The following COL12A1 variants were observed in gnomAD, a reference collection of about 807,000 sequenced individuals.
The protein encoded by COL12A1 is collagen alpha-1(XII) chain.
In COL12A1, 114 loss-of-function variants were observed where a neutral mutation model predicts 349.7. The observed-to-expected ratio is 0.33, with a 90% CI of 0.28 to 0.38. COL12A1 has a LOEUF of 0.38. COL12A1 is among the 10% of genes least tolerant of loss of function. COL12A1 has a pLI of 1.00. For synonymous variants in COL12A1, 1,369 were observed against 1,329.0 expected (o/e 1.03, Z -0.66); for missense variants, 3,284 against 3,756.9 (o/e 0.87, Z 3.29).
At chr6:75,165,826 G>T in intron 13 of COL12A1, 47 bp from the exon 14 acceptor site, 1 of 1,540,864 alleles carries the variant, frequency 6.5e-7, no homozygotes. Flanking sequence ...TGTCTAGTAG[G>T]TATTTAAGTA....
rs750426294 is a variant in COL12A1 at position 75,133,953 on chromosome 6, T to C, written c.5569A>G (p.Thr1857Ala). Reference protein sequence around the residue: ...VRNLRVYDPSTSTLNVRWDHA... With the variant: ...VRNLRVYDPSASTLNVRWDHA... ...TCCCAGCGGACATTCAAGGTGCTGG[T>C]AGAAGGGTCATACACTCTCAGGTTC... is the stretch of plus-strand genomic sequence containing the variant. Residue 1857 changes from threonine (T) to alanine (A), a missense_variant, in exon 33 of 66, where the codon ACC becomes GCC. Physicochemically the swap from Thr to Ala is moderately conservative, Grantham distance 58. Coordinates refer to ENST00000322507, the MANE Select transcript of COL12A1 (RefSeq NM_004370.6). The C allele has an allele frequency of 9.9e-6, 16 of 1,613,900 alleles. No individual in the cohort carries two copies. The highest frequency in any genetic ancestry group is 1.4e-5 in the Non-Finnish European group (16 of 1,179,970).
intron 3 of COL12A1, among the ~76,000 whole-genome samples, chr6:75,194,168 G>T (rs925848327): frequency 2.0e-5 from 3 of 152,088 alleles, no homozygotes; most frequent in Admixed American, 6.6e-5. Context: ...CTTCCACAAT[G>T]GTTGAACTAG....
At chr6:75,154,335 C>A in intron 17 of COL12A1, 81 bp downstream of exon 17, 1 of 1,387,134 alleles carries the variant, frequency 7.2e-7, no homozygotes, top group East Asian at 2.6e-5. Context: ...CATTGTTTTC[C>A]ATTGTATGAT....
At position 75,124,088 on chromosome 6, in the gene COL12A1, C is replaced by A; in HGVS notation, c.6731G>T (p.Arg2244Met). ...RLKLSPADGT[R>M]GQEITVRGSE... ...TCCACGCACTGTAATTTCTTGTCCC[C>A]TTGTTCCTGATTATGACAACAAAGG... The change falls in exon 42 of 66, where the codon AGG (arginine) becomes ATG (methionine). Residue 2244 changes from arginine (R) to methionine (M), a missense_variant. This residue lies in a region of COL12A1 where 2,601 missense variants were observed against 2,824.8 expected (regional missense o/e 0.92). Coordinates refer to ENST00000322507, the MANE Select transcript of COL12A1 (RefSeq NM_004370.6). 6.2e-7 allele frequency: 1 copy of A among 1,612,630 alleles called. No homozygotes were observed. The highest frequency in any genetic ancestry group is 8.5e-7 in the Non-Finnish European group (1 of 1,179,000).
rs1315014526 is a variant in COL12A1, at chr6:75,087,613, A to G, written c.9145T>C (p.Cys3049Arg). The G allele has an allele frequency of 1.2e-6, 2 of 1,613,886 alleles. No individual in the cohort carries two copies. The highest frequency in any genetic ancestry group is 1.7e-6 in the Non-Finnish European group (2 of 1,179,904). ...GPPGYCDSSQ[C>R]ASIPYNGQGY... ...TGCCCGTTGTATGGGATGCTGGCAC[A>G]CTGAGAAGAATCACAGTATCCAGGA... is the stretch of plus-strand genomic sequence containing the variant. The change falls in exon 65 of 66, where the codon TGT becomes CGT. Residue 3049 changes from cysteine to arginine, a missense_variant. By Grantham distance (180) the Cys-to-Arg change is radical (BLOSUM62 -3). This residue lies in a region of COL12A1 where 683 missense variants were observed against 932.1 expected (regional missense o/e 0.73). Transcript: ENST00000322507.
At chr6:75,139,022 T>C (rs980515575) in intron 27 of COL12A1, 61 bp from the exon 28 acceptor site, 38 of 1,592,754 alleles carry the variant, frequency 2.4e-5, no homozygotes, top group Admixed American at 1.7e-4. Flanking sequence ...TGCAATTTAA[T>C]ATAATAAAAA....
intron 59 of COL12A1, among the ~76,000 whole-genome samples, chr6:75,096,897 A>AAC (rs1491089145): frequency 3.1e-3 from 58 of 18,882 alleles, no homozygotes; most frequent in African/African-American, 5.1e-3. Context: ...CTCCGTCTCA[A>AAC]AAAAAAAAAA....
intron 30 of COL12A1, among the ~76,000 whole-genome samples, chr6:75,137,809 G>T (rs747310160): frequency 6.6e-6 from 1 of 152,050 alleles, no homozygotes. Flanking sequence ...CCAATATGAT[G>T]GTATTGAGAG....
Position 75,087,694 on chromosome 6 carries a change from G to T in COL12A1, c.9064C>A (p.Pro3022Thr), listed in dbSNP as rs200901687. 1.2e-6 allele frequency: 2 copies of T among 1,610,018 alleles called. No homozygotes were observed. The highest frequency in any genetic ancestry group is 1.7e-6 in the Non-Finnish European group (2 of 1,178,768). The part of the protein sequence containing the change: ...GPPGSTGSRG[P>T]PGPPGRPGNS... ...CCAGGACGGCCAGGGGGGCCAGGGG[G>T]ACCTCTTGAACCTGTGGACCCTGGT... Residue 3022 changes from proline (P) to threonine (T), a missense_variant, in exon 65 of 66, where the codon CCC (proline) becomes ACC (threonine). Transcript: ENST00000322507.
At chr6:75,140,986 G>A (rs1258031932) in intron 27 of COL12A1, among the ~76,000 whole-genome samples, 1 of 152,134 alleles carries the variant, frequency 6.6e-6, no homozygotes, top group Non-Finnish European at 1.5e-5. Flanking sequence ...AACTGTTACA[G>A]AAAAAAGGTA....
At chr6:75,100,236 T>C (rs1768245679) in intron 58 of COL12A1, among the ~76,000 whole-genome samples, 1 of 152,180 alleles carries the variant, frequency 6.6e-6, no homozygotes, top group South Asian at 2.1e-4. Flanking sequence ...CTGATGGTGA[T>C]GGCTGTCTGA....
intron 59 of COL12A1, among the ~76,000 whole-genome samples, chr6:75,095,547 G>A (rs1286640391): frequency 2.0e-5 from 3 of 147,988 alleles, no homozygotes; most frequent in Non-Finnish European, 1.5e-5. Context: ...AACCCAGGAA[G>A]CGGAGCTTGC....
chr6:75,106,338 G>T, intron 53 of COL12A1, 81 bp downstream of exon 53: 1 of 1,190,956 alleles, frequency 8.4e-7, no homozygotes, highest in Non-Finnish European at 1.2e-6. Context: ...ACTGTGCAGT[G>T]CTACTTCCTC....
chr6:75,101,523 T>A, intron 58 of COL12A1, 77 bp downstream of exon 58: 2 of 1,441,102 alleles, frequency 1.4e-6, no homozygotes, highest in Non-Finnish European at 1.9e-6. Context: ...CAAACTGGAT[T>A]TTGAAGGGTT....
At chr6:75,174,134 C>A (rs757049051) in intron 13 of COL12A1, among the ~76,000 whole-genome samples, 1 of 152,176 alleles carries the variant, frequency 6.6e-6, no homozygotes, top group Non-Finnish European at 1.5e-5. Context: ...AGGCCTCTGA[C>A]AATTAACTCT....
intron 5 of COL12A1, among the ~76,000 whole-genome samples, chr6:75,190,237 C>A (rs1400720579): frequency 6.6e-6 from 1 of 151,790 alleles, no homozygotes; most frequent in African/African-American, 2.4e-5. Flanking sequence ...GTTTTTATTC[C>A]TTGGTATTTA....
At position 75,129,944 on chromosome 6, in the gene COL12A1, G is replaced by A; in HGVS notation, c.6210+147C>T. 4 of 835,076 alleles carry A rather than the reference G, an allele frequency of 4.8e-6. No individual in the cohort carries two copies. In the South Asian group the frequency reaches 7.6e-5, roughly 16 times the overall value. The allele number at this position is 835,076 out of a possible 1,614,324, so 51.7% of individuals were successfully genotyped here. On this transcript the variant is annotated intron_variant, in intron 37 of 65. Transcript: ENST00000322507. Reference sequence around the variant, plus strand: ...AGAAAGACTAAGTAAGCACATTTGGGTGGTCCCAACGTCATGTCAGAGAAA... The same window carrying A: ...AGAAAGACTAAGTAAGCACATTTGGATGGTCCCAACGTCATGTCAGAGAAA...
At position 75,085,270 on chromosome 6, in the gene COL12A1, C is replaced by G. The variant is rs926482411; in HGVS notation, c.*1277G>C. 1.7e-5 allele frequency: 8 copies of G among 470,866 alleles called. No homozygotes were observed. The highest frequency in any genetic ancestry group is 1.2e-4 in the African/African-American group (6 of 50,078). 29.2% of individuals were successfully genotyped at this position (470,866 alleles called of 1,614,324 possible). ...GGCTCCTCTGCAGGCTCGTCTGCGC[C>G]GTAGTCCTCGTATTCCGCTGTCCGC... is the stretch of plus-strand genomic sequence containing the variant. On this transcript the variant is annotated 3_prime_UTR_variant, in exon 66 of 66. Coordinates refer to ENST00000322507, the MANE Select transcript of COL12A1 (RefSeq NM_004370.6).
In COL12A1 at chr6:75,189,803, C is replaced by T; in HGVS notation, c.407G>A (p.Ser136Asn). The stretch of plus-strand genomic sequence containing the variant: ...GAGGAAAACCAAATCAGTCCAGGCA[C>T]TGACAGAGCATTCTGAAATACATTT... ...GKTEIQKCSVSAWTDLVFLVD... is the reference protein window; with the variant it reads ...GKTEIQKCSVNAWTDLVFLVD... The change falls in exon 6 of 66, where the codon AGT becomes AAT. Residue 136 changes from serine (S) to asparagine (N), a missense_variant. By Grantham distance (46) the Ser-to-Asn change is conservative. Coordinates refer to ENST00000322507, the MANE Select transcript of COL12A1 (RefSeq NM_004370.6). 1 of 1,612,094 alleles carries T rather than the reference C, an allele frequency of 6.2e-7. No homozygotes were observed.
Sources: allele counts gnomAD v4.1 joint callset (sites outside exome capture counted in the v4.1 genomes callset), GRCh38; gene constraint gnomAD v4.1.1; regional missense constraint gnomAD v4.1.1; transcripts MANE v1.5; gene names NCBI Gene and HGNC (gene_info 2026-07-23, HGNC 2026-07-21).